OGDH: variants seen among roughly 807,000 people sequenced by gnomAD.
The protein encoded by OGDH is oxoglutarate dehydrogenase, also known as 2-oxoglutarate dehydrogenase complex component E1.
A neutral mutation model predicts 116.6 loss-of-function variants in OGDH; 38 were observed. The observed-to-expected ratio is 0.33, with a 90% CI of 0.25 to 0.43. The LOEUF is 0.43. OGDH is among the 20% of genes least tolerant of loss of function. The pLI is 1.00. For synonymous variants in OGDH, 488 were observed against 533.3 expected (o/e 0.92, Z 1.17); for missense variants, 825 against 1,357.2 (o/e 0.61, Z 6.16).
At chr7:44,674,013 C>T in intron 6 of OGDH, 72 bp downstream of exon 6, 1 of 1,577,568 alleles carries the variant, frequency 6.3e-7, no homozygotes, top group Non-Finnish European at 8.7e-7. Context: ...GTTGATCGGG[C>T]CTGTGTGCAG....
chr7:44,678,353 A>T (rs998525395), intron 9 of OGDH, among the ~76,000 whole-genome samples: 9 of 152,202 alleles, frequency 5.9e-5, no homozygotes, highest in African/African-American at 2.2e-4. Context: ...ACTTTGGGTG[A>T]TTCCCACATT....
chr7:44,674,080 CAT>C, intron 6 of OGDH, 139 bp downstream of exon 6: 5 of 977,218 alleles, frequency 5.1e-6, no homozygotes, highest in Non-Finnish European at 7.6e-6. Context: ...TCCATCTGCA[CAT>C]GTGTGAAGAG....
intron 1 of OGDH, 59 bp from the exon 2 acceptor site, chr7:44,624,258 C>G (rs1785110811): frequency 2.5e-6 from 3 of 1,193,514 alleles, no homozygotes; most frequent in African/African-American, 3.1e-5. Context: ...AGCCTTGTCT[C>G]CTAAATACTC....
At chr7:44,671,321 C>A (rs1787441393) in intron 5 of OGDH, among the ~76,000 whole-genome samples, 1 of 152,132 alleles carries the variant, frequency 6.6e-6, no homozygotes, top group South Asian at 2.1e-4. Context: ...ACTAATAGAG[C>A]AAGAACCCAC....
chr7:44,696,486 C>T lies in OGDH; in HGVS notation c.1829C>T (p.Thr610Met), dbSNP rs746947310. Residue 610 changes from threonine to methionine, a missense_variant, in exon 14 of 23, where the codon ACG becomes ATG. By Grantham distance (81) the Thr-to-Met change is moderately conservative. Coordinates refer to ENST00000222673, the MANE Select transcript of OGDH (RefSeq NM_002541.4). ...ATGTCCTGCCCCTCCACGGGTCTGA[C>T]GGAGGATATTCTGACACACATCGGG... ...RSMSCPSTGL[T>M]EDILTHIGNV... 1.5e-5 allele frequency: 25 copies of T among 1,614,068 alleles called. No homozygotes were observed. The highest frequency in any genetic ancestry group is 5.0e-5 in the Admixed American group (3 of 59,990).
At position 44,706,574 on chromosome 7, in the gene OGDH, G is replaced by T. The variant is rs556823288; in HGVS notation, c.2633-651G>T. Among the ~76,000 whole-genome samples the T allele has an allele frequency of 7.1e-4, 107 of 150,758 alleles. 1 individual carries two copies. The highest frequency in any genetic ancestry group is 2.5e-3 in the African/African-American group (103 of 40,836). On this transcript the variant is annotated intron_variant, in intron 20 of 22. Transcript: ENST00000222673. Reference sequence around the variant, plus strand: ...GACCTCAGGTGATCCGCCTGCCTCAGCCTCCCAAAGTGCTGGGATTTACAG... The same window carrying T: ...GACCTCAGGTGATCCGCCTGCCTCATCCTCCCAAAGTGCTGGGATTTACAG...
In OGDH at chr7:44,708,855, T is replaced by C. The variant is rs1200749760; in HGVS notation, c.*856T>C. 1.3e-5 allele frequency: 2 copies of C among 152,260 alleles called. No homozygotes were observed. Among genetic ancestry groups the C allele is most frequent in the African/African-American group, 4.8e-5 (2 of 41,460 alleles). The allele number at this position is 152,260 out of a possible 1,614,324, so 9.4% of individuals were successfully genotyped here. A position where few individuals can be genotyped will look rare whatever the true frequency, so the allele number is the denominator to read the frequency against. Reference sequence around the variant, plus strand: ...AATGGAGACTTTCTGATGCATCGTTTTCTTTGCTGTGCCAAAGCAGGTCAG... The same window carrying C: ...AATGGAGACTTTCTGATGCATCGTTCTCTTTGCTGTGCCAAAGCAGGTCAG... On this transcript the variant is annotated 3_prime_UTR_variant, in exon 23 of 23. Transcript: ENST00000222673.
chr7:44,666,740 C>T lies in OGDH; in HGVS notation c.522C>T (p.Phe174=), dbSNP rs753595788. 5.0e-6 allele frequency: 8 copies of T among 1,606,796 alleles called. No individual in the cohort carries two copies. In the East Asian group the frequency reaches 1.8e-4, roughly 36 times the overall value. ...CCTGCCCACATCGCCCTGCAGGGTT[C>T]TATGGCCTGGATGAGTCTGACCTCG... ...DIISSTDKLG[F]YGLDESDLDK... is the part of the protein sequence containing the mutation. The change falls in exon 5 of 23, where the codon TTC becomes TTT. Residue 174 remains phenylalanine (F), a synonymous_variant. Transcript: ENST00000222673.
At chr7:44,688,032 G>C (rs1374743041) in intron 10 of OGDH, among the ~76,000 whole-genome samples, 1 of 152,100 alleles carries the variant, frequency 6.6e-6, no homozygotes, top group Non-Finnish European at 1.5e-5. Context: ...CCCTATATCA[G>C]TTGGCGAACG....
chr7:44,666,904 C>A, intron 5 of OGDH, 53 bp downstream of exon 5: 3 of 1,109,160 alleles, frequency 2.7e-6, no homozygotes, highest in Non-Finnish European at 4.0e-6. Context: ...CTTGTATTGG[C>A]AGGATGGCTT....
At chr7:44,667,488 T>C (rs1313358858) in intron 5 of OGDH, among the ~76,000 whole-genome samples, 1 of 152,204 alleles carries the variant, frequency 6.6e-6, no homozygotes, top group Non-Finnish European at 1.5e-5. Flanking sequence ...TCTTCTTTCC[T>C]CTCTCCCTCT....
intron 4 of OGDH, among the ~76,000 whole-genome samples, chr7:44,654,445 AG>A (rs1323197451): frequency 6.6e-6 from 1 of 152,210 alleles, no homozygotes; most frequent in Non-Finnish European, 1.5e-5. Flanking sequence ...CTGACCTTCC[AG>A]GGCTCTCCGG....
chr7:44,617,564 TGA>T (rs773840042), intron 1 of OGDH, among the ~76,000 whole-genome samples: 9 of 152,230 alleles, frequency 5.9e-5, no homozygotes, highest in Non-Finnish European at 1.3e-4. Context: ...ATAAATTCTT[TGA>T]GATTCTCAGC....
At chr7:44,682,076 C>G (rs1042432965) in intron 10 of OGDH, among the ~76,000 whole-genome samples, 3 of 152,118 alleles carry the variant, frequency 2.0e-5, no homozygotes, top group Non-Finnish European at 4.4e-5. Flanking sequence ...GTGAGACCCC[C>G]TTTCTCTGCA....
At chr7:44,612,852 C>T (rs529969950) in intron 1 of OGDH, among the ~76,000 whole-genome samples, 4 of 150,466 alleles carry the variant, frequency 2.7e-5, no homozygotes, top group South Asian at 2.1e-4. Flanking sequence ...CGTACCACCA[C>T]GCCTGGCTGT....
chr7:44,632,476 A>C (rs1785483346), intron 2 of OGDH, among the ~76,000 whole-genome samples: 1 of 152,032 alleles, frequency 6.6e-6, no homozygotes, highest in African/African-American at 2.4e-5. Flanking sequence ...CTAATATTTT[A>C]TATTTTTTAT....
chr7:44,611,362 G>A (rs1482875216), intron 1 of OGDH, among the ~76,000 whole-genome samples: 4 of 152,260 alleles, frequency 2.6e-5, no homozygotes, highest in Middle Eastern at 3.4e-3. Context: ...TCCGCCTTCC[G>A]GGTTCATGCC....
At chr7:44,627,474 A>C (rs1785252779) in intron 2 of OGDH, among the ~76,000 whole-genome samples, 3 of 152,228 alleles carry the variant, frequency 2.0e-5, no homozygotes, top group Non-Finnish European at 4.4e-5. Context: ...ATAAAATTAG[A>C]AGTGCTGTAG....
At position 44,663,247 on chromosome 7, in the gene OGDH, A is replaced by G. The variant is rs551791828; in HGVS notation, c.518-3489A>G. On this transcript the variant is annotated intron_variant, in intron 4 of 22. Coordinates refer to ENST00000222673, the MANE Select transcript of OGDH (RefSeq NM_002541.4). ...TTTTTTGATTTTTTAAAAAAATTCTATTTGGTACTACTTTGCATCTTCAGT... is the reference window on the plus strand; with the variant it reads ...TTTTTTGATTTTTTAAAAAAATTCTGTTTGGTACTACTTTGCATCTTCAGT... Among the ~76,000 whole-genome samples the G allele has an allele frequency of 9.2e-5, 14 of 152,322 alleles. No homozygotes were observed. In the East Asian group the frequency reaches 1.9e-3, roughly 21 times the overall value.
Sources: allele counts gnomAD v4.1 joint callset (sites outside exome capture counted in the v4.1 genomes callset), GRCh38; gene constraint gnomAD v4.1.1; transcripts MANE v1.5; gene names NCBI Gene and HGNC (gene_info 2026-07-23, HGNC 2026-07-21).